Variants in LUC7L observed in about 807,000 individuals in gnomAD.
LUC7L encodes LUC7 like.
Under a neutral mutation model 51.1 loss-of-function variants are expected in LUC7L, and 29 were observed. That is an observed-to-expected ratio of 0.57 (90% CI 0.42 to 0.77). The LOEUF (loss-of-function observed/expected upper bound fraction) is 0.77. LUC7L is among the 30% of genes least tolerant of loss of function. The probability of loss-of-function intolerance (pLI) is 0.00; values close to 1 mark genes in which losing one functional copy is unlikely to be tolerated. For synonymous variants in LUC7L, 181 were observed against 180.7 expected, an observed-to-expected ratio of 1.00 and a Z score of -0.01; for missense variants, 403 against 511.9, an observed-to-expected ratio of 0.79 and a Z score of 2.05.
chr16:197,534 T>C (rs929858815), intron 6 of LUC7L, among the ~76,000 whole-genome samples: 8 of 152,198 alleles, frequency 5.3e-5, no homozygotes, highest in African/African-American at 1.7e-4. Flanking sequence ...TTCATACCTA[T>C]AAACTTATAA....
At chr16:216,788 G>C (rs990428139) in intron 3 of LUC7L, among the ~76,000 whole-genome samples, 1 of 152,058 alleles carries the variant, frequency 6.6e-6, no homozygotes, top group African/African-American at 2.4e-5. Flanking sequence ...TTTTCACATA[G>C]GACAAAAAGG....
In LUC7L at chr16:204,299, A is replaced by T. The variant is rs116838551; in HGVS notation, c.510+1705T>A. ...TCCCTACTAGAAATGAAAAAAAAAA[A>T]AAAAAATTAGCCATGGGCCGAGCAT... On this transcript the variant is annotated intron_variant, in intron 5 of 9. Transcript: ENST00000293872. Among the ~76,000 whole-genome samples the T allele has an allele frequency of 5.9e-3, 898 of 151,898 alleles. 11 individuals are homozygous for T. The highest frequency in any genetic ancestry group is 0.021 in the African/African-American group (861 of 41,430).
chr16:217,265 C>T (rs2049829641), intron 3 of LUC7L, among the ~76,000 whole-genome samples: 1 of 152,076 alleles, frequency 6.6e-6, no homozygotes, highest in South Asian at 2.1e-4. Context: ...GATCCACCCA[C>T]CTCAGCCTCC....
At chr16:228,727 C>T (rs1390441048) in intron 1 of LUC7L, 1 of 1,231,538 alleles carries the variant, frequency 8.1e-7, no homozygotes, top group Non-Finnish European at 1.0e-6. Flanking sequence ...GCTGGCTACA[C>T]AGAGGCTCTC....
intron 7 of LUC7L, 49 bp downstream of exon 7, chr16:192,878 G>C (rs1382219076): frequency 6.8e-7 from 1 of 1,477,772 alleles, no homozygotes; most frequent in Non-Finnish European, 9.4e-7. Context: ...ACCGAGCAGG[G>C]AATGCCCGAG....
chr16:198,448 T>C (rs1008023502), intron 6 of LUC7L, among the ~76,000 whole-genome samples: 3 of 152,128 alleles, frequency 2.0e-5, no homozygotes, highest in Admixed American at 2.0e-4. Flanking sequence ...TGTGACACTC[T>C]GTCTTGACCA....
intron 5 of LUC7L, among the ~76,000 whole-genome samples, chr16:204,937 T>C (rs1309825632): frequency 6.6e-6 from 1 of 152,146 alleles, no homozygotes; most frequent in South Asian, 2.1e-4. Flanking sequence ...GCAGTAGGAA[T>C]GTACTGGAGA....
Position 206,131 on chromosome 16 carries a change from T to G in LUC7L, c.383A>C (p.Glu128Ala). Reference sequence around the variant, plus strand: ...GAGTTTTCCTATTTCTTCATTTAACTCATGTACTTTTTCTGCCTGTGAGGA... The same window carrying G: ...GAGTTTTCCTATTTCTTCATTTAACGCATGTACTTTTTCTGCCTGTGAGGA... ...EVSAKAEKVH[E>A]LNEEIGKLLA... Residue 128 changes from glutamate to alanine, a missense_variant, in exon 5 of 10, where the codon GAG (glutamate) becomes GCG (alanine). Coordinates refer to ENST00000293872, the MANE Select transcript of LUC7L (RefSeq NM_201412.3). 1 of 1,613,022 alleles carries G rather than the reference T, an allele frequency of 6.2e-7. No individual in the cohort carries two copies.
chr16:228,753 A>G, intron 1 of LUC7L: 1 of 1,265,754 alleles, frequency 7.9e-7, no homozygotes, highest in Non-Finnish European at 1.0e-6. Flanking sequence ...TGCTGGGGGG[A>G]AGGGGGCAGC....
At chr16:205,461 G>C (rs1027951351) in intron 5 of LUC7L, among the ~76,000 whole-genome samples, 1 of 152,166 alleles carries the variant, frequency 6.6e-6, no homozygotes, top group African/African-American at 2.4e-5. Context: ...ATAATGACAA[G>C]TCAACGTAGA....
intron 6 of LUC7L, among the ~76,000 whole-genome samples, chr16:198,395 A>C (rs1359282845): frequency 6.6e-6 from 1 of 150,508 alleles, no homozygotes; most frequent in African/African-American, 2.4e-5. Flanking sequence ...CCCCATCTTC[A>C]CCCCGCCCTT....
At chr16:211,686 ATCTC>A (rs577462279) in intron 3 of LUC7L, among the ~76,000 whole-genome samples, 81 of 151,614 alleles carry the variant, frequency 5.3e-4, no homozygotes, top group African/African-American at 1.7e-3. Flanking sequence ...AAGTCACCCA[ATCTC>A]TCTCTATCTC....
chr16:197,490 G>C (rs573000372), intron 6 of LUC7L, among the ~76,000 whole-genome samples: 3 of 152,138 alleles, frequency 2.0e-5, no homozygotes, highest in African/African-American at 7.2e-5. Flanking sequence ...GATTACAGGC[G>C]TGAGCCACCA....
intron 6 of LUC7L, among the ~76,000 whole-genome samples, chr16:197,317 A>C (rs2049180360): frequency 6.7e-6 from 1 of 150,216 alleles, no homozygotes; most frequent in African/African-American, 2.5e-5. Flanking sequence ...AGGTCAAGCA[A>C]TTATCCTGCC....
chr16:228,985 C>A, intron 1 of LUC7L: 3 of 1,433,584 alleles, frequency 2.1e-6, no homozygotes, highest in Non-Finnish European at 9.2e-7. Context: ...CGCGGAGGGG[C>A]ACGGAGCCGC....
chr16:190,556 G>C lies in LUC7L; in HGVS notation c.791C>G (p.Thr264Ser). 1.2e-6 allele frequency: 2 copies of C among 1,613,592 alleles called. No homozygotes were observed. Among genetic ancestry groups the C allele is most frequent in the South Asian group, 1.1e-5 (1 of 91,060 alleles). The change falls in exon 8 of 10, where the codon ACC (threonine) becomes AGC (serine). Residue 264 changes from threonine (T) to serine (S), a missense_variant. Coordinates refer to ENST00000293872, the MANE Select transcript of LUC7L (RefSeq NM_201412.3). The stretch of plus-strand genomic sequence containing the variant: ...GGAAACCTACCTCCTGCGATCTCTG[G>C]TTCTTGATCCCGACCTAAAAGGGGG... ...ERLSRRSGSRTRDRRRSRSRD... is the reference protein window; with the variant it reads ...ERLSRRSGSRSRDRRRSRSRD...
intron 7 of LUC7L, 145 bp downstream of exon 7, chr16:192,782 C>A (rs540799703): frequency 4.2e-6 from 3 of 717,490 alleles, no homozygotes; most frequent in Admixed American, 2.3e-5. Flanking sequence ...GGATTACAGG[C>A]GTGAGCCGCC....
chr16:214,689 G>C (rs564109159), intron 3 of LUC7L, among the ~76,000 whole-genome samples: 4 of 152,174 alleles, frequency 2.6e-5, no homozygotes, highest in African/African-American at 7.2e-5. Context: ...ACCTTGTCTG[G>C]CTAATTTTTT....
chr16:199,254 G>A lies in LUC7L; in HGVS notation c.511-16C>T, dbSNP rs1360533315. 1.9e-6 allele frequency: 3 copies of A among 1,571,188 alleles called. No individual in the cohort carries two copies. The highest frequency in any genetic ancestry group is 2.7e-5 in the African/African-American group (2 of 73,924). On this transcript the variant is annotated splice_polypyrimidine_tract_variant and intron_variant, in intron 5 of 9. Coordinates refer to ENST00000293872, the MANE Select transcript of LUC7L (RefSeq NM_201412.3). ...TGTATTCTTCCTGAAGAAGGAAAATGGAGAAATAAAAGTGAGGTATATAGA... is the reference window on the plus strand; with the variant it reads ...TGTATTCTTCCTGAAGAAGGAAAATAGAGAAATAAAAGTGAGGTATATAGA...
Sources: allele counts gnomAD v4.1 joint callset (sites outside exome capture counted in the v4.1 genomes callset), GRCh38; gene constraint gnomAD v4.1.1; transcripts MANE v1.5; gene names NCBI Gene and HGNC (gene_info 2026-07-23, HGNC 2026-07-21).